The following AXIN1 variants were observed in gnomAD, a reference collection of about 807,000 sequenced individuals.
AXIN1 encodes axin-1.
In AXIN1, 30 loss-of-function variants were observed where a neutral mutation model predicts 76.4. The observed-to-expected ratio is 0.39, with a 90% confidence interval of 0.29 to 0.53. The LOEUF (loss-of-function observed/expected upper bound fraction) is 0.53, where lower values mean the gene tolerates loss of function less well. Among genes scored for constraint, AXIN1 ranks in the 20% least tolerant of loss-of-function variants. The pLI, the probability that AXIN1 is intolerant of heterozygous loss-of-function variation, is 0.66. For missense variants in AXIN1, 1,140 were observed against 1,198.8 expected (o/e 0.95, Z 0.72); for synonymous variants, 545 against 501.4 (o/e 1.09, Z -1.16).
intron 4 of AXIN1, among the ~76,000 whole-genome samples, chr16:305,264 T>A (rs1335514334): frequency 1.3e-5 from 2 of 152,116 alleles, no homozygotes; most frequent in East Asian, 3.9e-4. Flanking sequence ...GCCCAGAAAT[T>A]AAGAGACCAG....
intron 1 of AXIN1, among the ~76,000 whole-genome samples, chr16:347,820 G>A (rs74000535): frequency 0.027 from 4,108 of 152,234 alleles, 74 homozygotes; most frequent in Middle Eastern, 0.051. Context: ...AGAGGCGCTC[G>A]GACACCGTCA....
intron 2 of AXIN1, among the ~76,000 whole-genome samples, chr16:338,089 C>T (rs1338318107): frequency 6.6e-6 from 1 of 152,242 alleles, no homozygotes; most frequent in East Asian, 1.9e-4. Flanking sequence ...CAACAGGCGG[C>T]CCTCTCTCCC....
intron 2 of AXIN1, among the ~76,000 whole-genome samples, chr16:333,788 A>C (rs751154959): frequency 6.6e-6 from 1 of 151,828 alleles, no homozygotes; most frequent in Non-Finnish European, 1.5e-5. Context: ...CCACAGCACA[A>C]CAGTAACACA....
intron 3 of AXIN1, among the ~76,000 whole-genome samples, chr16:313,797 A>G (rs1473207570): frequency 6.6e-6 from 1 of 152,264 alleles, no homozygotes; most frequent in Non-Finnish European, 1.5e-5. Context: ...CCAGCTGCGA[A>G]GCACAGGGGA....
chr16:319,280 T>C lies in AXIN1; in HGVS notation c.879-4597A>G, dbSNP rs553736097. ...TGGAGCCCGGGAGTCTGCAGTAAGA[T>C]ATGATCACGCCACTGTGTTCCAGCC... On this transcript the variant is annotated intron_variant, in intron 2 of 10. Coordinates refer to ENST00000262320, the MANE Select transcript of AXIN1 (RefSeq NM_003502.4). 1.7e-4 allele frequency among the ~76,000 whole-genome samples: 26 copies of C among 152,088 alleles called. 1 individual carries two copies. The South Asian group carries it at 5.4e-3, about 32-fold the overall frequency.
rs564832789 is a variant in AXIN1, at chr16:301,694, C to G, written c.1254+2610G>C. On this transcript the variant is annotated intron_variant, in intron 5 of 10. Transcript: ENST00000262320. Reference sequence around the variant, plus strand: ...CCTGCCCTACTAGAAGCACACCCTGCGAACGGGTGAAGGCGCAAAGATCAG... The same window carrying G: ...CCTGCCCTACTAGAAGCACACCCTGGGAACGGGTGAAGGCGCAAAGATCAG... Among the ~76,000 whole-genome samples, 15 of 152,200 alleles carry G rather than the reference C, an allele frequency of 9.9e-5. No homozygotes were observed. The South Asian group carries it at 1.9e-3, about 19-fold the overall frequency.
Position 352,690 on chromosome 16 carries a change from G to A in AXIN1, c.-403C>T, listed in dbSNP as rs1172632064. The A allele has an allele frequency of 1.3e-5, 2 of 155,994 alleles. No homozygotes were observed. The highest frequency in any genetic ancestry group is 2.4e-5 in the African/African-American group (1 of 41,416). 9.7% of individuals were successfully genotyped at this position (155,994 alleles called of 1,614,324 possible). The stretch of plus-strand genomic sequence containing the variant: ...GCCCGAGCCAGAGCGCCGAAGCCCA[G>A]GCCCGAGCGCCCCCGCCGGCGGCGT... On this transcript the variant is annotated 5_prime_UTR_variant, in exon 1 of 11. Coordinates refer to ENST00000262320, the MANE Select transcript of AXIN1 (RefSeq NM_003502.4).
At chr16:316,090 T>G (rs982830857) in intron 2 of AXIN1, among the ~76,000 whole-genome samples, 3 of 151,918 alleles carry the variant, frequency 2.0e-5, no homozygotes, top group Non-Finnish European at 4.4e-5. Context: ...TATTCCAATC[T>G]TTTCCTTTAT....
chr16:289,428 C>T lies in AXIN1; in HGVS notation c.2462+12G>A. 6.2e-7 allele frequency: 1 copy of T among 1,612,774 alleles called. No individual in the cohort carries two copies. Among genetic ancestry groups the T allele is most frequent in the South Asian group, 1.1e-5 (1 of 91,082 alleles). On this transcript the variant is annotated intron_variant, in intron 10 of 10. Transcript: ENST00000262320. ...TCGTGCGGGGAGGGGGCACCCCAGC[C>T]CTCACACTCACCTGTAGCTGCCCTT...
intron 2 of AXIN1, among the ~76,000 whole-genome samples, chr16:325,777 T>A (rs2053567759): frequency 2.0e-5 from 3 of 152,238 alleles, no homozygotes; most frequent in African/African-American, 7.2e-5. Flanking sequence ...AGCTCCATCT[T>A]CTCTCATGAC....
At chr16:336,747 G>A (rs542416883) in intron 2 of AXIN1, among the ~76,000 whole-genome samples, 1 of 151,574 alleles carries the variant, frequency 6.6e-6, no homozygotes, top group South Asian at 2.1e-4. Flanking sequence ...AACCCAGGAG[G>A]CGGAGGTTGC....
chr16:296,211 C>T (rs543454720), intron 7 of AXIN1, among the ~76,000 whole-genome samples: 2 of 152,370 alleles, frequency 1.3e-5, no homozygotes, highest in African/African-American at 2.4e-5. Flanking sequence ...CAAGGCCTTG[C>T]GGGACAGGCT....
intron 4 of AXIN1, 82 bp from the exon 5 acceptor site, chr16:304,523 T>C: frequency 6.3e-7 from 1 of 1,591,472 alleles, no homozygotes; most frequent in Non-Finnish European, 8.6e-7. Flanking sequence ...GAGCGTGTGC[T>C]ATCTCTGTTG....
At chr16:289,411 G>C (rs777789964) in intron 10 of AXIN1, 29 bp downstream of exon 10, 1 of 1,612,226 alleles carries the variant, frequency 6.2e-7, no homozygotes, top group Middle Eastern at 1.7e-4. Flanking sequence ...ACTCGTGCGG[G>C]GAGGGGGCAC....
intron 1 of AXIN1, among the ~76,000 whole-genome samples, chr16:352,095 C>T (rs894900916): frequency 3.3e-5 from 5 of 152,028 alleles, no homozygotes; most frequent in Admixed American, 2.6e-4. Flanking sequence ...TTCTGGGCGG[C>T]GGGGAGGGCT....
At chr16:318,026 T>C (rs1451405294) in intron 2 of AXIN1, among the ~76,000 whole-genome samples, 1 of 152,050 alleles carries the variant, frequency 6.6e-6, no homozygotes, top group Non-Finnish European at 1.5e-5. Context: ...CGGCACTTGG[T>C]GCGTCTGTAG....
rs558797498 is a variant in AXIN1 at position 296,579 on chromosome 16, C to T, written c.1955+477G>A. 3.3e-5 allele frequency among the ~76,000 whole-genome samples: 5 copies of T among 152,336 alleles called. No homozygotes were observed. The East Asian group carries it at 9.7e-4, about 29-fold the overall frequency. On this transcript the variant is annotated intron_variant, in intron 7 of 10. Transcript: ENST00000262320. ...CGCCGGGGCCTTGCTCCACACCACA[C>T]ACGAGGCCTCTGCCCTTCTGGGAGG...
Position 348,404 on chromosome 16 carries a change from C to G in AXIN1, c.-81-1298G>C, listed in dbSNP as rs144692389. Among the ~76,000 whole-genome samples the G allele has an allele frequency of 4.6e-3, 704 of 152,366 alleles. 8 individuals are homozygous for G. The highest frequency in any genetic ancestry group is 0.015 in the African/African-American group (641 of 41,584). On this transcript the variant is annotated intron_variant, in intron 1 of 10. Transcript: ENST00000262320. ...GGGGATCTATCCCCCAGCCACCACT[C>G]CACACTGCTGTCCCTTGTCTATGTG...
In AXIN1 at chr16:288,209, C is replaced by G. The variant is rs2141459879; in HGVS notation, c.2502G>C (p.Gly834=). 1 of 1,613,732 alleles carries G rather than the reference C, an allele frequency of 6.2e-7. No individual in the cohort carries two copies. Among genetic ancestry groups the G allele is most frequent in the Non-Finnish European group, 8.5e-7 (1 of 1,180,008 alleles). ...FKKVSDEFDC[G]VVFEEVREDE... is the part of the protein sequence containing the mutation. ...CCTCTCGAACCTCCTCAAACACCAC[C>G]CCACAGTCAAACTCGTCGCTCACTT... Residue 834 remains glycine, a synonymous_variant, in exon 11 of 11, where the codon GGG becomes GGC. Coordinates refer to ENST00000262320, the MANE Select transcript of AXIN1 (RefSeq NM_003502.4).
Sources: gnomAD v4.1 joint callset for allele counts (sites outside exome capture counted in the v4.1 genomes callset) on GRCh38, gnomAD v4.1.1 for gene constraint, MANE v1.5 for transcripts, NCBI Gene and HGNC (gene_info 2026-07-23, HGNC 2026-07-21) for gene names.